RANBP17: variants seen among roughly 807,000 people sequenced by gnomAD.
RANBP17 encodes the protein ran-binding protein 17.
A neutral mutation model predicts 141.2 loss-of-function variants in RANBP17; 158 were observed. The observed-to-expected ratio is 1.12, with a 90% CI of 0.98 to 1.28. The LOEUF is 1.28. Among genes scored for constraint, RANBP17 ranks in the 50% most tolerant of loss-of-function variants. The probability of loss-of-function intolerance (pLI) is 0.00; values close to 1 mark genes in which losing one functional copy is unlikely to be tolerated. For missense variants in RANBP17, 1,438 were observed against 1,290.7 expected (o/e 1.11, Z -1.75); for synonymous variants, 430 against 450.0 (o/e 0.96, Z 0.56).
chr5:171,236,671 C>T (rs1402583943), intron 22 of RANBP17, among the ~76,000 whole-genome samples: 1 of 152,012 alleles, frequency 6.6e-6, no homozygotes, highest in Admixed American at 6.6e-5. Flanking sequence ...TGTGTATTGT[C>T]ATAGTTTACA....
At chr5:171,034,477 G>T (rs1310039322) in intron 14 of RANBP17, among the ~76,000 whole-genome samples, 2 of 152,194 alleles carry the variant, frequency 1.3e-5, no homozygotes, top group Non-Finnish European at 2.9e-5. Context: ...TGGCTGAGGG[G>T]ACTATGCCTA....
At chr5:170,946,454 T>G (rs918605371) in intron 12 of RANBP17, among the ~76,000 whole-genome samples, 8 of 152,268 alleles carry the variant, frequency 5.3e-5, no homozygotes, top group African/African-American at 1.9e-4. Flanking sequence ...TACACACAAT[T>G]GGAGCATAGT....
chr5:171,107,098 T>C (rs1266733520), intron 14 of RANBP17, among the ~76,000 whole-genome samples: 1 of 152,144 alleles, frequency 6.6e-6, no homozygotes, highest in Non-Finnish European at 1.5e-5. Context: ...AAAGCTTTTA[T>C]TTTATAAGAT....
chr5:171,157,316 T>G (rs1758976262), intron 14 of RANBP17, among the ~76,000 whole-genome samples: 1 of 152,220 alleles, frequency 6.6e-6, no homozygotes, highest in Non-Finnish European at 1.5e-5. Flanking sequence ...AATGTACATC[T>G]GCATGTATAT....
chr5:171,057,479 T>C (rs1391522503), intron 14 of RANBP17, among the ~76,000 whole-genome samples: 12 of 151,312 alleles, frequency 7.9e-5, no homozygotes, highest in Non-Finnish European at 1.3e-4. Flanking sequence ...TACATAGAGT[T>C]CCTCTTCATT....
intron 8 of RANBP17, among the ~76,000 whole-genome samples, chr5:170,915,847 T>G (rs1259981496): frequency 6.6e-6 from 1 of 152,078 alleles, no homozygotes; most frequent in African/African-American, 2.4e-5. Context: ...AAAACCTGAT[T>G]CATTAGAAAA....
At chr5:171,056,614 T>A (rs1285944764) in intron 14 of RANBP17, among the ~76,000 whole-genome samples, 1 of 152,184 alleles carries the variant, frequency 6.6e-6, no homozygotes, top group East Asian at 1.9e-4. Flanking sequence ...TGACAGTGTT[T>A]CTTGTGATTT....
rs79717145 is a variant in RANBP17, at chr5:170,917,493, G to T, written c.954+909G>T. ...ATCTGTAAAATACAGATTTTTAAAG[G>T]TTAAATGATTTAAGGAGGTTTACCT... is the stretch of plus-strand genomic sequence containing the variant. On this transcript the variant is annotated intron_variant, in intron 9 of 27. Transcript: ENST00000523189. Among the ~76,000 whole-genome samples the T allele has an allele frequency of 3.3e-3, 498 of 152,136 alleles. 2 individuals carry two copies. The highest frequency in any genetic ancestry group is 0.011 in the African/African-American group (465 of 41,496).
At chr5:170,968,865 G>A in intron 14 of RANBP17, 1 of 325,000 alleles carries the variant, frequency 3.1e-6, no homozygotes, top group Non-Finnish European at 5.9e-6. Flanking sequence ...TATGATAATT[G>A]AATGTTTAGC....
chr5:171,047,903 A>AT (rs1045358550), intron 14 of RANBP17, among the ~76,000 whole-genome samples: 1 of 152,006 alleles, frequency 6.6e-6, no homozygotes. Flanking sequence ...TAATTATTAC[A>AT]TTTTTATGGA....
rs74291517 is a variant in RANBP17, at chr5:170,973,018, A to T, written c.1710+4641A>T. On this transcript the variant is annotated intron_variant, in intron 14 of 27. Coordinates refer to ENST00000523189, the MANE Select transcript of RANBP17 (RefSeq NM_022897.5). The stretch of plus-strand genomic sequence containing the variant: ...TCATTTCTTTTCATTCCACTTTATG[A>T]CATGATTCATATGTGCTGCTGTCTT... Among the ~76,000 whole-genome samples, 1,508 of 152,264 alleles carry T rather than the reference A, an allele frequency of 9.9e-3. 63 individuals carry two copies. Among genetic ancestry groups the T allele is most frequent in the East Asian group, 0.08 (416 of 5,186 alleles).
intron 22 of RANBP17, among the ~76,000 whole-genome samples, chr5:171,230,107 G>C (rs571780645): frequency 6.6e-6 from 1 of 152,182 alleles, no homozygotes; most frequent in African/African-American, 2.4e-5. Context: ...CTTCCCTTAA[G>C]GAACTTAAGT....
At chr5:171,066,643 A>G (rs773239567) in intron 14 of RANBP17, among the ~76,000 whole-genome samples, 1 of 152,132 alleles carries the variant, frequency 6.6e-6, no homozygotes, top group Non-Finnish European at 1.5e-5. Flanking sequence ...GAGTGGAGAT[A>G]TTTCTTCAAC....
intron 27 of RANBP17, among the ~76,000 whole-genome samples, chr5:171,297,284 C>T (rs767242069): frequency 9.2e-5 from 14 of 152,100 alleles, no homozygotes; most frequent in Non-Finnish European, 1.6e-4. Flanking sequence ...TTGGGGTTAC[C>T]AGTGGTAAAC....
chr5:170,995,473 A>G (rs1373272351), intron 14 of RANBP17, among the ~76,000 whole-genome samples: 1 of 152,170 alleles, frequency 6.6e-6, no homozygotes, highest in Non-Finnish European at 1.5e-5. Context: ...GTCCTTAAAA[A>G]TATTCCTATC....
intron 14 of RANBP17, among the ~76,000 whole-genome samples, chr5:171,023,275 G>T (rs1781005751): frequency 6.6e-6 from 1 of 152,180 alleles, no homozygotes; most frequent in Non-Finnish European, 1.5e-5. Context: ...TGGTATTACA[G>T]TACTTCACTT....
chr5:170,865,759 C>T (rs1425979125), intron 1 of RANBP17, among the ~76,000 whole-genome samples: 1 of 152,116 alleles, frequency 6.6e-6, no homozygotes, highest in Non-Finnish European at 1.5e-5. Context: ...TTGGGGGTTT[C>T]CCAAAACCAC....
intron 22 of RANBP17, among the ~76,000 whole-genome samples, chr5:171,235,154 G>A (rs1764458598): frequency 6.6e-6 from 1 of 152,088 alleles, no homozygotes; most frequent in African/African-American, 2.4e-5. Flanking sequence ...GTAAGATGAA[G>A]GCTAAGAGTC....
chr5:170,905,448 A>T (rs114115163), intron 5 of RANBP17, among the ~76,000 whole-genome samples: 1,779 of 152,216 alleles, frequency 0.012, 32 homozygotes, highest in African/African-American at 0.041. Flanking sequence ...CCATGTGCAT[A>T]AAAAAATACA....
Sources: allele counts gnomAD v4.1 joint callset (sites outside exome capture counted in the v4.1 genomes callset), GRCh38; gene constraint gnomAD v4.1.1; transcripts MANE v1.5; gene names NCBI Gene and HGNC (gene_info 2026-07-23, HGNC 2026-07-21).